BANK1: variants seen among roughly 807,000 people sequenced by gnomAD.
BANK1 encodes B-cell scaffold protein with ankyrin repeats.
BANK1 carries 95 observed loss-of-function variants against 94.5 expected under a neutral mutation model. The ratio of observed to expected loss-of-function variants is 1.00; its 90% CI spans 0.85 to 1.19. The LOEUF (loss-of-function observed/expected upper bound fraction) is 1.19, where lower values mean the gene tolerates loss of function less well. Ranked by LOEUF, BANK1 falls within the 50% of genes most tolerant of loss-of-function variation. The pLI is 0.00. For synonymous variants in BANK1, 334 were observed against 308.4 expected, an observed-to-expected ratio of 1.08 and a Z score of -0.87; for missense variants, 987 against 932.2, an observed-to-expected ratio of 1.06 and a Z score of -0.77.
At chr4:101,894,805 G>A (rs921868652) in intron 5 of BANK1, among the ~76,000 whole-genome samples, 22 of 151,914 alleles carry the variant, frequency 1.4e-4, no homozygotes, top group African/African-American at 5.3e-4. Flanking sequence ...GTATCTGCAG[G>A]GGTAAAGAAA....
Position 102,009,558 on chromosome 4 carries a change from A to G in BANK1, c.1207-11956A>G, listed in dbSNP as rs1726415501. Among the ~76,000 whole-genome samples, 4 of 152,244 alleles carry G rather than the reference A, an allele frequency of 2.6e-5. No individual in the cohort carries two copies. The South Asian group carries it at 8.3e-4, about 32-fold the overall frequency. ...CTTGATTTATAGTAATTGTTAGGTG[A>G]CTTGCCACATTCCTCCTTGTAAATG... On this transcript the variant is annotated intron_variant, in intron 7 of 16. Transcript: ENST00000322953.
chr4:101,873,653 A>G (rs543268312), intron 5 of BANK1, among the ~76,000 whole-genome samples: 3 of 152,152 alleles, frequency 2.0e-5, no homozygotes, highest in Admixed American at 6.5e-5. Flanking sequence ...TTAATTATCT[A>G]TCTGCTTTTT....
intron 2 of BANK1, among the ~76,000 whole-genome samples, chr4:101,839,320 T>A (rs889348297): frequency 1.3e-5 from 2 of 152,194 alleles, no homozygotes; most frequent in Non-Finnish European, 2.9e-5. Flanking sequence ...TGTTTATGGT[T>A]GTACTCTTTA....
chr4:102,069,862 T>C (rs1040409461), intron 13 of BANK1, among the ~76,000 whole-genome samples: 1 of 151,948 alleles, frequency 6.6e-6, no homozygotes, highest in Non-Finnish European at 1.5e-5. Flanking sequence ...AGATAACAGA[T>C]AAAAAGGATG....
chr4:101,965,063 A>G (rs575341677), intron 7 of BANK1, among the ~76,000 whole-genome samples: 119 of 151,002 alleles, frequency 7.9e-4, no homozygotes, highest in South Asian at 1.5e-3. Context: ...ATGATTTCCA[A>G]TTTCATCCAT....
At chr4:102,004,588 AT>A (rs749313226) in intron 7 of BANK1, among the ~76,000 whole-genome samples, 1 of 152,140 alleles carries the variant, frequency 6.6e-6, no homozygotes, top group Non-Finnish European at 1.5e-5. Context: ...TAAGGATTTT[AT>A]TTGCCTTCCA....
At position 101,920,853 on chromosome 4, in the gene BANK1, G is replaced by A. The variant is rs371751446; in HGVS notation, c.1206+2664G>A. Among the ~76,000 whole-genome samples the A allele has an allele frequency of 3.8e-3, 574 of 151,832 alleles. 35 individuals carry two copies. In the South Asian group the frequency reaches 0.1, roughly 27 times the overall value. On this transcript the variant is annotated intron_variant, in intron 7 of 16. Coordinates refer to ENST00000322953, the MANE Select transcript of BANK1 (RefSeq NM_017935.5). ...AATTATGATTTTAGAAAAATACAGA[G>A]AAAACACAAAAGCATTAGCAAGCAT...
intron 7 of BANK1, among the ~76,000 whole-genome samples, chr4:101,995,916 GT>G (rs1046524147): frequency 2.6e-5 from 4 of 152,080 alleles, no homozygotes; most frequent in African/African-American, 7.2e-5. Flanking sequence ...TCTGATGATA[GT>G]TTTTTTGCTG....
chr4:102,062,935 A>C, intron 12 of BANK1, 140 bp from the exon 13 acceptor site: 1 of 627,850 alleles, frequency 1.6e-6, no homozygotes, highest in South Asian at 2.1e-5. Flanking sequence ...GGAAAGTATC[A>C]AGGATGGCAA....
intron 7 of BANK1, among the ~76,000 whole-genome samples, chr4:101,973,733 G>A (rs963190092): frequency 8.6e-5 from 13 of 152,020 alleles, no homozygotes; most frequent in African/African-American, 2.9e-4. Context: ...GGTTGTTAAT[G>A]TTATGAAATG....
At chr4:101,809,799 T>G (rs1052201261) in intron 1 of BANK1, among the ~76,000 whole-genome samples, 1 of 152,170 alleles carries the variant, frequency 6.6e-6, no homozygotes, top group African/African-American at 2.4e-5. Context: ...CAAAAGGCTT[T>G]AGGAAAGGAA....
At chr4:102,004,910 A>G (rs906930880) in intron 7 of BANK1, among the ~76,000 whole-genome samples, 4 of 152,148 alleles carry the variant, frequency 2.6e-5, no homozygotes, top group African/African-American at 9.7e-5. Context: ...AATACCTTAT[A>G]TTGAATGCTA....
chr4:101,940,102 G>T (rs1446213020), intron 7 of BANK1, among the ~76,000 whole-genome samples: 1 of 151,600 alleles, frequency 6.6e-6, no homozygotes, highest in African/African-American at 2.4e-5. Flanking sequence ...GTTCCTAAGA[G>T]ATGTGTTCTT....
At chr4:101,841,312 T>A (rs1344024956) in intron 2 of BANK1, among the ~76,000 whole-genome samples, 1 of 152,186 alleles carries the variant, frequency 6.6e-6, no homozygotes, top group Non-Finnish European at 1.5e-5. Flanking sequence ...CCATATATAA[T>A]TCTGATTGTG....
chr4:101,952,828 C>T (rs749770215), intron 7 of BANK1, among the ~76,000 whole-genome samples: 1 of 152,086 alleles, frequency 6.6e-6, no homozygotes, highest in Non-Finnish European at 1.5e-5. Flanking sequence ...GAGTCTGCGC[C>T]CTTACCACAC....
intron 7 of BANK1, among the ~76,000 whole-genome samples, chr4:101,945,315 T>C (rs554753657): frequency 2.6e-5 from 4 of 152,108 alleles, no homozygotes; most frequent in Admixed American, 1.3e-4. Context: ...TTGCTCAGGT[T>C]ATTACTATAA....
In BANK1 at chr4:101,870,555, A is replaced by G. The variant is rs1304366945; in HGVS notation, c.814A>G (p.Lys272Glu). 1 of 1,612,830 alleles carries G rather than the reference A, an allele frequency of 6.2e-7. No homozygotes were observed. The highest frequency in any genetic ancestry group is 1.3e-5 in the African/African-American group (1 of 74,872). Residue 272 changes from lysine (K) to glutamate (E), a missense_variant, in exon 5 of 17, where the codon AAA (lysine) becomes GAA (glutamate). Physicochemically the swap from Lys to Glu is moderately conservative, Grantham distance 56. Coordinates refer to ENST00000322953, the MANE Select transcript of BANK1 (RefSeq NM_017935.5). ...CAATGTCTACTGTGATGGAATCGTT[A>G]AAGCTACAACCAAAATTAAGTACTA... ...HVNVYCDGIV[K>E]ATTKIKYYPT...
intron 2 of BANK1, among the ~76,000 whole-genome samples, chr4:101,839,576 A>G (rs1189385940): frequency 6.6e-6 from 1 of 152,168 alleles, no homozygotes; most frequent in African/African-American, 2.4e-5. Flanking sequence ...CAGGAATTCA[A>G]TTTGACTAAC....
At chr4:101,945,890 A>G (rs1452133859) in intron 7 of BANK1, among the ~76,000 whole-genome samples, 1 of 151,986 alleles carries the variant, frequency 6.6e-6, no homozygotes, top group African/African-American at 2.4e-5. Context: ...AATGTGCAAT[A>G]TGCTTTTCTA....
Sources: allele counts gnomAD v4.1 joint callset (sites outside exome capture counted in the v4.1 genomes callset), GRCh38; gene constraint gnomAD v4.1.1; transcripts MANE v1.5; gene names NCBI Gene and HGNC (gene_info 2026-07-23, HGNC 2026-07-21).